The following CSGALNACT1 variants were observed in gnomAD, a reference collection of about 807,000 sequenced individuals.
CSGALNACT1 encodes beta4GalNAcT-1.
In CSGALNACT1, 52 loss-of-function variants were observed where a neutral mutation model predicts 51.0. The ratio of observed to expected loss-of-function variants is 1.02; its 90% CI spans 0.82 to 1.29. The LOEUF is 1.29. Ranked by LOEUF, CSGALNACT1 falls within the 50% of genes most tolerant of loss-of-function variation. The pLI, the probability that CSGALNACT1 is intolerant of heterozygous loss-of-function variation, is 0.00. For missense variants in CSGALNACT1, 935 were observed against 679.2 expected, an observed-to-expected ratio of 1.38 and a Z score of -4.19; for synonymous variants, 341 against 254.4, an observed-to-expected ratio of 1.34 and a Z score of -3.24.
At chr8:19,599,946 A>G (rs2050037421) in intron 2 of CSGALNACT1, among the ~76,000 whole-genome samples, 1 of 152,216 alleles carries the variant, frequency 6.6e-6, no homozygotes, top group South Asian at 2.1e-4. Context: ...AAGGGGAGTT[A>G]ATTGTTCCAT....
chr8:19,544,345 T>C (rs2085981619), intron 3 of CSGALNACT1, among the ~76,000 whole-genome samples: 1 of 152,216 alleles, frequency 6.6e-6, no homozygotes, highest in Non-Finnish European at 1.5e-5. Flanking sequence ...AATATCTATG[T>C]AGTTTAAAAG....
At chr8:19,596,927 T>C (rs891879475) in intron 2 of CSGALNACT1, among the ~76,000 whole-genome samples, 5 of 152,342 alleles carry the variant, frequency 3.3e-5, no homozygotes, top group Middle Eastern at 3.4e-3. Context: ...TCATTCACTG[T>C]TATGCAACCA....
At chr8:19,410,681 C>A (rs73667648) in intron 8 of CSGALNACT1, among the ~76,000 whole-genome samples, 1 of 152,320 alleles carries the variant, frequency 6.6e-6, no homozygotes, top group African/African-American at 2.4e-5. Flanking sequence ...CACATGGGAA[C>A]AGCGTGATGG....
upstream of CSGALNACT1, among the ~76,000 whole-genome samples, chr8:19,603,618 A>G (rs913548788): frequency 6.6e-6 from 1 of 152,230 alleles, no homozygotes; most frequent in Non-Finnish European, 1.5e-5. Context: ...CTGCAGGCCA[A>G]GAGTTGAAAT....
exon 10 of CSGALNACT1, chr8:19,404,611 T>C (rs1195622584): frequency 4.7e-6 from 2 of 423,310 alleles, no homozygotes; most frequent in South Asian, 1.8e-5. Context: ...TTTCACAATA[T>C]ATATATATAT....
intron 1 of CSGALNACT1, among the ~76,000 whole-genome samples, chr8:19,756,462 A>T (rs1239751528): frequency 6.6e-6 from 1 of 152,190 alleles, no homozygotes; most frequent in Admixed American, 6.5e-5. Flanking sequence ...TTGCTCATCG[A>T]TGAAAAGATA....
In CSGALNACT1 at chr8:19,667,100, G is replaced by GAGA. The variant is rs1386376643; in HGVS notation, c.-544+15372_-544+15373insTCT. 2.8e-3 allele frequency among the ~76,000 whole-genome samples: 149 copies of GAGA among 54,126 alleles called. 30 individuals are homozygous for GAGA. The highest frequency in any genetic ancestry group is 7.1e-3 in the African/African-American group (83 of 11,772). 35.5% of individuals were successfully genotyped at this position (54,126 alleles called of 152,430 possible). On this transcript the variant is annotated intron_variant, in intron 1 of 9. Coordinates refer to the CSGALNACT1 transcript ENST00000332246. ...GAAAGAAAGAAAGAAAGAAAGAAAG[G>GAGA]GAAAGAAATCTCATCACAATATCAA...
chr8:19,483,460 C>T (rs187755509), intron 4 of CSGALNACT1, among the ~76,000 whole-genome samples: 169 of 152,348 alleles, frequency 1.1e-3, no homozygotes, highest in African/African-American at 3.7e-3. Context: ...TCTGCCCTGC[C>T]CTAGGGCTCT....
Position 19,757,778 on chromosome 8 carries a change from A to T in CSGALNACT1, c.-297+72T>A, listed in dbSNP as rs1731738983. ...AAACTTTGTAAATCGCACTTCGGGG[A>T]ATTCACGCTTTAGTCGCGGTCTCTG... On this transcript the variant is annotated intron_variant, in intron 1 of 1. Transcript: ENST00000517494. This position sits in a 1 kb window ranked among gnomAD's most constrained non-coding sequence, Gnocchi z 4.0. 6.6e-6 allele frequency: 1 copy of T among 152,292 alleles called. No homozygotes were observed. The highest frequency in any genetic ancestry group is 1.5e-5 in the Non-Finnish European group (1 of 68,196). 9.4% of individuals were successfully genotyped at this position (152,292 alleles called of 1,614,324 possible).
chr8:19,710,389 G>T (rs1176977808), intron 1 of CSGALNACT1, among the ~76,000 whole-genome samples: 1 of 152,034 alleles, frequency 6.6e-6, no homozygotes, highest in Non-Finnish European at 1.5e-5. Flanking sequence ...TCTGAAAAAA[G>T]GATGGTTCCT....
intron 7 of CSGALNACT1, among the ~76,000 whole-genome samples, chr8:19,419,557 G>A (rs951811615): frequency 3.3e-5 from 5 of 152,172 alleles, no homozygotes; most frequent in African/African-American, 1.2e-4. Context: ...CCTATGAGTG[G>A]AGTCTGTGAA....
chr8:19,542,579 A>T (rs1166708549), intron 3 of CSGALNACT1, among the ~76,000 whole-genome samples: 1 of 152,120 alleles, frequency 6.6e-6, no homozygotes, highest in Non-Finnish European at 1.5e-5. Context: ...AGTTACCAAA[A>T]CAAGAGATGA....
intron 3 of CSGALNACT1, among the ~76,000 whole-genome samples, chr8:19,526,024 C>T (rs549600983): frequency 6.6e-6 from 1 of 152,282 alleles, no homozygotes; most frequent in African/African-American, 2.4e-5. Context: ...ATACTTCAGA[C>T]CTTTACAACT....
chr8:19,625,281 G>C (rs901975087), intron 1 of CSGALNACT1, among the ~76,000 whole-genome samples: 13 of 152,196 alleles, frequency 8.5e-5, no homozygotes, highest in Non-Finnish European at 1.9e-4. Context: ...AAGAAAGGAA[G>C]TAGCATTCAC....
At chr8:19,542,341 C>T (rs983782196) in intron 3 of CSGALNACT1, among the ~76,000 whole-genome samples, 1 of 151,884 alleles carries the variant, frequency 6.6e-6, no homozygotes, top group African/African-American at 2.4e-5. Flanking sequence ...GTCACTTAAG[C>T]CATAATAAGA....
intron 6 of CSGALNACT1, among the ~76,000 whole-genome samples, chr8:19,421,764 C>A (rs1253562194): frequency 6.6e-6 from 1 of 152,242 alleles, no homozygotes; most frequent in Non-Finnish European, 1.5e-5. Context: ...GCGACTCCCT[C>A]CTTGACTCAT....
At chr8:19,641,190 C>A (rs2056704522) in intron 1 of CSGALNACT1, among the ~76,000 whole-genome samples, 1 of 148,500 alleles carries the variant, frequency 6.7e-6, no homozygotes, top group Non-Finnish European at 1.5e-5. Context: ...ACTTCTCCTC[C>A]CAACAAGACC....
At chr8:19,646,871 C>G (rs2154180827) in intron 1 of CSGALNACT1, among the ~76,000 whole-genome samples, 1 of 152,240 alleles carries the variant, frequency 6.6e-6, no homozygotes, top group Admixed American at 6.5e-5. Flanking sequence ...AGAGACACAC[C>G]TCCTCAGTGT....
intron 1 of CSGALNACT1, among the ~76,000 whole-genome samples, chr8:19,719,268 G>A (rs549042275): frequency 6.6e-6 from 1 of 152,212 alleles, no homozygotes; most frequent in African/African-American, 2.4e-5. Flanking sequence ...TTTTTGGAAG[G>A]TAGGATGAAA....
Sources: gnomAD v4.1 joint callset for allele counts (sites outside exome capture counted in the v4.1 genomes callset) on GRCh38, gnomAD v4.1.1 for gene constraint, Gnocchi (gnomAD v3.1) non-coding constraint, MANE v1.5 for transcripts, NCBI Gene and HGNC (gene_info 2026-07-23, HGNC 2026-07-21) for gene names.